COQ8B: variants seen among roughly 807,000 people sequenced by gnomAD.
The protein encoded by COQ8B is coenzyme Q8B.
COQ8B carries 44 observed loss-of-function variants against 62.0 expected under a neutral mutation model. The ratio of observed to expected loss-of-function variants is 0.71; its 90% CI spans 0.56 to 0.91. The LOEUF is 0.91. COQ8B is among the 40% of genes least tolerant of loss of function. COQ8B has a pLI of 0.00. For synonymous variants in COQ8B, 252 were observed against 289.9 expected (o/e 0.87, Z 1.33); for missense variants, 649 against 731.6 (o/e 0.89, Z 1.30).
chr19:40,695,534 AC>A (rs2144684009), intron 13 of COQ8B, among the ~76,000 whole-genome samples: 1 of 152,196 alleles, frequency 6.6e-6, no homozygotes, highest in South Asian at 2.1e-4. Flanking sequence ...CCAGGGACAC[AC>A]ACCTGGGCTG....
At chr19:40,715,681 C>T in intron 1 of COQ8B, 6 of 919,406 alleles carry the variant, frequency 6.5e-6, no homozygotes, top group Non-Finnish European at 7.8e-6. Flanking sequence ...CCCTCACACA[C>T]CCTGTTCTCT....
At chr19:40,698,229 G>A (rs3901215) in intron 12 of COQ8B, among the ~76,000 whole-genome samples, 58,835 of 147,588 alleles carry the variant, frequency 0.4, 11,831 homozygotes, top group East Asian at 0.5. Flanking sequence ...GGAAAAAAAA[G>A]AAAAGTGTCC....
chr19:40,697,081 AAT>A (rs2082020189), intron 12 of COQ8B, among the ~76,000 whole-genome samples: 1 of 151,724 alleles, frequency 6.6e-6, no homozygotes, highest in Non-Finnish European at 1.5e-5. Flanking sequence ...CTTCTTTTTA[AAT>A]ATGTTTATTA....
At chr19:40,713,882 A>G (rs1157392674) in intron 4 of COQ8B, among the ~76,000 whole-genome samples, 185 bp downstream of exon 4, 1 of 152,082 alleles carries the variant, frequency 6.6e-6, no homozygotes, top group Non-Finnish European at 1.5e-5. Flanking sequence ...GTCTCAAAAA[A>G]AAAAAAAAAA....
At chr19:40,704,104 G>A in intron 7 of COQ8B, 1 of 446,268 alleles carries the variant, frequency 2.2e-6, no homozygotes, top group Non-Finnish European at 4.0e-6. Context: ...TCCCTGGGCT[G>A]TTGTGGGGAT....
chr19:40,706,680 A>C (rs1165468515), intron 5 of COQ8B, among the ~76,000 whole-genome samples: 3 of 152,164 alleles, frequency 2.0e-5, no homozygotes, highest in Non-Finnish European at 4.4e-5. Flanking sequence ...GACTGGTCTC[A>C]AATTCCTGAC....
chr19:40,701,635 A>C (rs2082061694), intron 10 of COQ8B, among the ~76,000 whole-genome samples: 1 of 152,166 alleles, frequency 6.6e-6, no homozygotes, highest in Non-Finnish European at 1.5e-5. Flanking sequence ...TTTAATCGGC[A>C]CACTCCCCTT....
At position 40,713,242 on chromosome 19, in the gene COQ8B, C is replaced by T. The variant is rs149870460; in HGVS notation, c.289+825G>A. On this transcript the variant is annotated intron_variant, in intron 4 of 14. Transcript: ENST00000324464. ...CCAGGCGGCCAGGTGTGGTGGCTCA[C>T]GCCTGTAATCCCAGCACTTGGGAAG... is the stretch of plus-strand genomic sequence containing the variant. Among the ~76,000 whole-genome samples the T allele has an allele frequency of 2.2e-3, 331 of 152,172 alleles. 1 individual carries two copies. The highest frequency in any genetic ancestry group is 7.7e-3 in the African/African-American group (320 of 41,512).
At chr19:40,703,455 G>A in intron 9 of COQ8B, 86 bp downstream of exon 9, 2 of 1,359,628 alleles carry the variant, frequency 1.5e-6, no homozygotes, top group Non-Finnish European at 2.0e-6. Flanking sequence ...CCCTGCCCGT[G>A]CTCTCCTCTG....
Position 40,710,103 on chromosome 19 carries a change from G to A in COQ8B, c.323C>T (p.Ala108Val). 6.2e-7 allele frequency: 1 copy of A among 1,614,022 alleles called. No homozygotes were observed. The highest frequency in any genetic ancestry group is 1.1e-5 in the South Asian group (1 of 91,078). ...TGGCATGGACTTCTTAGCCATCTCG[G>A]CCAGTACTCCTAGCCCCAAGCCCAC... ...LAVGLGLGVLAEMAKKSMPGG... is the reference protein window; with the variant it reads ...LAVGLGLGVLVEMAKKSMPGG... Residue 108 changes from alanine to valine, a missense_variant, in exon 5 of 15, where the codon GCC becomes GTC. Transcript: ENST00000324464.
chr19:40,706,911 T>C (rs111674426), intron 5 of COQ8B, among the ~76,000 whole-genome samples: 155 of 152,320 alleles, frequency 1.0e-3, no homozygotes, highest in African/African-American at 3.6e-3. Flanking sequence ...AATTCAATGA[T>C]TATTAGTATA....
chr19:40,713,960 GTC>G (rs2082163762), intron 4 of COQ8B, 105 bp downstream of exon 4: 10 of 1,169,890 alleles, frequency 8.5e-6, no homozygotes, highest in Non-Finnish European at 1.2e-5. Flanking sequence ...CTCTTTTTTT[GTC>G]TCTCTCTCTT....
rs777874813 is a variant in COQ8B, at chr19:40,692,280, G to T, written c.1390C>A (p.Arg464Ser). Residue 464 changes from arginine to serine, a missense_variant, in exon 15 of 15, where the codon CGC becomes AGC. Transcript: ENST00000324464. ...PYDFGSGETA[R>S]RIQDLIPVLL... ...ACCGGGATGAGGTCCTGTATGCGGC[G>T]GGCCGTTTCCCCCGACCCAAAGTCA... 1.2e-6 allele frequency: 2 copies of T among 1,613,568 alleles called. No homozygotes were observed. The highest frequency in any genetic ancestry group is 8.5e-7 in the Non-Finnish European group (1 of 1,179,764).
chr19:40,700,126 G>C lies in COQ8B; in HGVS notation c.1084C>G (p.Arg362Gly). The change falls in exon 12 of 15, where the codon CGA becomes GGA. Residue 362 changes from arginine to glycine, a missense_variant. Physicochemically the swap from Arg to Gly is moderately radical, Grantham distance 125. Transcript: ENST00000324464. The part of the protein sequence containing the change: ...TLCLRELFEF[R>G]FMQTDPNWAN... ...CAGTTGGGGTCAGTCTGCATGAATC[G>C]GAACTCAAACAGCTCCCGCAGACAC... The C allele has an allele frequency of 5.6e-6, 9 of 1,614,250 alleles. No homozygotes were observed. The highest frequency in any genetic ancestry group is 6.8e-6 in the Non-Finnish European group (8 of 1,180,044).
intron 5 of COQ8B, 101 bp downstream of exon 5, chr19:40,709,958 A>G: frequency 8.1e-7 from 1 of 1,233,864 alleles, no homozygotes; most frequent in Non-Finnish European, 1.2e-6. Context: ...CACCACCTCC[A>G]TCTTCCGCAT....
intron 5 of COQ8B, chr19:40,707,940 G>A (rs1160207938): frequency 2.0e-5 from 3 of 152,200 alleles, no homozygotes; most frequent in Non-Finnish European, 4.4e-5. Flanking sequence ...TTCTTACTCT[G>A]GGTACGGACA....
chr19:40,692,424 C>A (rs2081979951), intron 14 of COQ8B, 51 bp from the exon 15 acceptor site: 1 of 1,541,936 alleles, frequency 6.5e-7, no homozygotes, highest in Non-Finnish European at 8.9e-7. Context: ...GGACATAGAG[C>A]CCTCTGCATA....
intron 13 of COQ8B, among the ~76,000 whole-genome samples, chr19:40,693,407 T>C (rs953567314): frequency 6.6e-6 from 1 of 152,202 alleles, no homozygotes; most frequent in African/African-American, 2.4e-5. Context: ...GGGCCATCTC[T>C]CTGTCTCCCA....
intron 12 of COQ8B, among the ~76,000 whole-genome samples, chr19:40,697,851 T>TATAGAGAGAG (rs1446181673): frequency 4.8e-4 from 26 of 54,720 alleles, no homozygotes; most frequent in South Asian, 6.5e-4. Context: ...TATATATATA[T>TATAGAGAGAG]AGAGAGAGAG....
Sources: allele counts gnomAD v4.1 joint callset (sites outside exome capture counted in the v4.1 genomes callset), GRCh38; gene constraint gnomAD v4.1.1; transcripts MANE v1.5; gene names NCBI Gene and HGNC (gene_info 2026-07-23, HGNC 2026-07-21).